The following TRANK1 variants were observed in gnomAD, a reference collection of about 807,000 sequenced individuals.
The protein encoded by TRANK1 is tetratricopeptide repeat and ankyrin repeat containing 1.
In TRANK1, 198 loss-of-function variants were observed where a neutral mutation model predicts 266.0. The ratio of observed to expected loss-of-function variants is 0.74; its 90% CI spans 0.66 to 0.84. The LOEUF is 0.84. TRANK1 is among the 40% of genes least tolerant of loss of function. TRANK1 has a pLI of 0.00. For missense variants in TRANK1, 3,326 were observed against 3,634.6 expected (o/e 0.92, Z 2.18); for synonymous variants, 1,396 against 1,384.1 (o/e 1.01, Z -0.19).
At chr3:36,839,034 T>C (rs2078808164) in intron 18 of TRANK1, among the ~76,000 whole-genome samples, 1 of 152,240 alleles carries the variant, frequency 6.6e-6, no homozygotes, top group Non-Finnish European at 1.5e-5. Context: ...ATCCTTCTCA[T>C]TGTATATAGT....
chr3:36,869,895 G>C (rs2079281326), intron 9 of TRANK1, among the ~76,000 whole-genome samples: 1 of 152,190 alleles, frequency 6.6e-6, no homozygotes, highest in Non-Finnish European at 1.5e-5. Context: ...CCATCATCTA[G>C]GAAAATTATA....
At chr3:36,926,653 C>T (rs1367678608) in intron 1 of TRANK1, among the ~76,000 whole-genome samples, 2 of 152,098 alleles carry the variant, frequency 1.3e-5, no homozygotes, top group Admixed American at 6.5e-5. Context: ...ATCAAATGTA[C>T]CAGGAATGGT....
At chr3:36,860,882 C>T (rs896672150) in intron 11 of TRANK1, 24 bp downstream of exon 11, 60 of 1,536,018 alleles carry the variant, frequency 3.9e-5, no homozygotes, top group Middle Eastern at 1.7e-4. Context: ...AAGTCTCCAA[C>T]GCTTAGCATC....
intron 1 of TRANK1, among the ~76,000 whole-genome samples, chr3:36,922,563 C>G (rs2080230407): frequency 5.3e-5 from 8 of 152,046 alleles, no homozygotes; most frequent in Admixed American, 5.2e-4. Context: ...CGAGATCATG[C>G]CACTGCACTG....
In TRANK1 at chr3:36,889,984, CTAA is replaced by C. The variant is rs1355040716; in HGVS notation, c.776-27_776-25del. ...TCCTGAAGGGAATTAAAATGACTTA[CTAA>C]TGTTTTCCACATACAGAAAGTCAGC... On this transcript the variant is annotated intron_variant, in intron 7 of 23. Coordinates refer to ENST00000645898, the MANE Select transcript of TRANK1 (RefSeq NM_001329998.2). 2.6e-6 allele frequency: 4 copies of C among 1,534,116 alleles called. No individual in the cohort carries two copies. In the South Asian group the frequency reaches 4.8e-5, roughly 18 times the overall value.
rs369684128 is a variant in TRANK1 at position 36,856,011 on chromosome 3, G to A, written c.3711C>T (p.Asp1237=). 1.3e-4 allele frequency: 216 copies of A among 1,613,694 alleles called. No individual in the cohort carries two copies. Among genetic ancestry groups the A allele is most frequent in the East Asian group, 1.1e-3 (49 of 44,836 alleles). Residue 1237 remains aspartate, a synonymous_variant, in exon 13 of 24, where the codon GAC becomes GAT. Transcript: ENST00000645898. ...AAGTGACAAACAGAGGAAAGTTCTC[G>A]TCCCTCAGGTCCTGGAGTTTGTGAA... ...PNIHKLQDLR[D]ENFPLFVTSK... is the part of the protein sequence containing the mutation.
chr3:36,835,015 T>A (rs907647570), intron 20 of TRANK1, 108 bp from the exon 21 acceptor site: 1 of 1,199,460 alleles, frequency 8.3e-7, no homozygotes, highest in Non-Finnish European at 1.1e-6. Flanking sequence ...CTGCTTTCTG[T>A]TAGAATCCAG....
chr3:36,925,745 C>A (rs56360944), intron 1 of TRANK1, among the ~76,000 whole-genome samples: 3,226 of 152,182 alleles, frequency 0.021, 38 homozygotes, highest in Middle Eastern at 0.058. Flanking sequence ...CACACACCAC[C>A]ACACCCAGCT....
Position 36,855,595 on chromosome 3 carries a change from A to G in TRANK1, c.4127T>C (p.Leu1376Ser). Reference protein sequence around the residue: ...GRLTEEVYKKLGRKRCPNFKE... With the variant: ...GRLTEEVYKKSGRKRCPNFKE... ...GAAATTGGGGCACCGTTTCCTCCCT[A>G]ATTTCTTATATACTTCTTCAGTGAG... The change falls in exon 13 of 24, where the codon TTA becomes TCA. Residue 1376 changes from leucine to serine, a missense_variant. Transcript: ENST00000645898. 5 of 1,613,626 alleles carry G rather than the reference A, an allele frequency of 3.1e-6. No individual in the cohort carries two copies. The highest frequency in any genetic ancestry group is 4.2e-6 in the Non-Finnish European group (5 of 1,179,796).
At chr3:36,879,953 TATGTAAAC>T (rs2079491651) in intron 8 of TRANK1, among the ~76,000 whole-genome samples, 1 of 10,174 alleles carries the variant, frequency 9.8e-5, no homozygotes, top group Non-Finnish European at 1.5e-4. Context: ...CATGCAAATA[TATGTAAAC>T]ATGCAAATAT....
At chr3:36,943,531 T>C (rs907847878) in intron 1 of TRANK1, among the ~76,000 whole-genome samples, 2 of 117,406 alleles carry the variant, frequency 1.7e-5, no homozygotes, top group Non-Finnish European at 3.2e-5. Context: ...GCATATGAAC[T>C]CAAGCACCTA....
rs1156623403 is a variant in TRANK1, at chr3:36,879,869, A to AATAT, written c.908-5574_908-5573insATAT. ...ATATGTAAATATACAAATATATGTA[A>AATAT]ACATACAAATATATGTAAACATGCA... is the stretch of plus-strand genomic sequence containing the variant. On this transcript the variant is annotated intron_variant, in intron 8 of 23. Coordinates refer to ENST00000645898, the MANE Select transcript of TRANK1 (RefSeq NM_001329998.2). Among the ~76,000 whole-genome samples, 103 of 97,616 alleles carry AATAT rather than the reference A, an allele frequency of 1.1e-3. 14 individuals are homozygous for AATAT. The highest frequency in any genetic ancestry group is 0.016 in the Middle Eastern group (2 of 128). The allele number at this position is 97,616 out of a possible 152,430, so 64.0% of individuals were successfully genotyped here.
rs1014125909 is a variant in TRANK1 at position 36,874,080 on chromosome 3, G to A, written c.1078+46C>T. ...AAACTGATTTGTATCTAATGTCACA[G>A]AACCAGTTTTATGCCCCCCAAAAGT... is the stretch of plus-strand genomic sequence containing the variant. On this transcript the variant is annotated intron_variant, in intron 9 of 23. Transcript: ENST00000645898. 4.0e-6 allele frequency: 6 copies of A among 1,489,082 alleles called. No individual in the cohort carries two copies. The African/African-American group carries it at 8.5e-5, about 21-fold the overall frequency. The allele number at this position is 1,489,082 out of a possible 1,614,324, so 92.2% of individuals were successfully genotyped here. A position where few individuals can be genotyped will look rare whatever the true frequency, so the allele number is the denominator to read the frequency against.
At chr3:36,890,222 G>A (rs2079668716) in intron 7 of TRANK1, among the ~76,000 whole-genome samples, 1 of 152,194 alleles carries the variant, frequency 6.6e-6, no homozygotes, top group African/African-American at 2.4e-5. Flanking sequence ...AGGTTCCCTA[G>A]AAGCCTGAGA....
At position 36,858,871 on chromosome 3, in the gene TRANK1, T is replaced by C. The variant is rs115314296; in HGVS notation, c.1519A>G (p.Ser507Gly). 945 of 1,536,614 alleles carry C rather than the reference T, an allele frequency of 6.1e-4. 7 individuals are homozygous for C. The African/African-American group carries it at 0.011, about 18-fold the overall frequency. The part of the protein sequence containing the change: ...SGALPDGLQE[S>G]QERPVVTCLK... ...CACGTGACAACTGGCCTCTCCTGGC[T>C]CTCCTGAAGACCATCAGGCAAGGCT... Residue 507 changes from serine to glycine, a missense_variant, in exon 12 of 24, where the codon AGC becomes GGC. Physicochemically the swap from Ser to Gly is moderately conservative, Grantham distance 56. Transcript: ENST00000645898.
intron 17 of TRANK1, among the ~76,000 whole-genome samples, chr3:36,844,193 T>C (rs2078884780): frequency 6.6e-6 from 1 of 152,212 alleles, no homozygotes; most frequent in African/African-American, 2.4e-5. Flanking sequence ...GTCACTTAGC[T>C]TCTATGATCT....
intron 5 of TRANK1, among the ~76,000 whole-genome samples, chr3:36,894,845 C>T (rs761955524): frequency 3.3e-5 from 5 of 152,188 alleles, no homozygotes; most frequent in Admixed American, 2.0e-4. Context: ...TAACCAAATT[C>T]GTAGCTTGGC....
rs763270825 is a variant in TRANK1 at position 36,838,333 on chromosome 3, C to T, written c.5517+39G>A. The stretch of plus-strand genomic sequence containing the variant: ...ACCCCTCAATCTGCTCAAGTGAAGC[C>T]CAGTTTTCCCTGGAGCAGCAGCGGA... On this transcript the variant is annotated intron_variant, in intron 20 of 23. Coordinates refer to ENST00000645898, the MANE Select transcript of TRANK1 (RefSeq NM_001329998.2). The T allele has an allele frequency of 3.1e-6, 5 of 1,609,888 alleles. No homozygotes were observed. In the South Asian group the frequency reaches 3.3e-5, roughly 11 times the overall value.
At position 36,899,107 on chromosome 3, in the gene TRANK1, A is replaced by C; in HGVS notation, c.433+2T>G. The C allele has an allele frequency of 5.9e-6, 9 of 1,537,120 alleles. No homozygotes were observed. The highest frequency in any genetic ancestry group is 7.8e-6 in the Non-Finnish European group (9 of 1,146,850). On this transcript the variant is annotated splice_donor_variant, in intron 4 of 23. Transcript: ENST00000645898. LOFTEE classifies it high-confidence loss of function. ...CAAAAAGTCTCCCCAGTTCCAACTT[A>C]CTGCTCATAGTGGTGAAGACTCCAA... is the stretch of plus-strand genomic sequence containing the variant.
Sources: allele counts gnomAD v4.1 joint callset (sites outside exome capture counted in the v4.1 genomes callset), GRCh38; gene constraint gnomAD v4.1.1; transcripts MANE v1.5; gene names NCBI Gene and HGNC (gene_info 2026-07-23, HGNC 2026-07-21).